Variants in RNASEL observed in about 807,000 individuals in gnomAD.
RNASEL encodes ribonuclease L.
Under a neutral mutation model 50.9 loss-of-function variants are expected in RNASEL, and 36 were observed. That is an observed-to-expected ratio of 0.71 (90% CI 0.54 to 0.93). RNASEL has a LOEUF of 0.93. Among genes scored for constraint, RNASEL ranks in the 40% least tolerant of loss-of-function variants. The probability of loss-of-function intolerance (pLI) is 0.00; values close to 1 mark genes in which losing one functional copy is unlikely to be tolerated. For missense variants in RNASEL, 860 were observed against 894.5 expected, an observed-to-expected ratio of 0.96 and a Z score of 0.49; for synonymous variants, 335 against 335.6, an observed-to-expected ratio of 1.00 and a Z score of 0.02.
chr1:182,574,133 CG>C lies in RNASEL; in HGVS notation c.*1258del, dbSNP rs1382733391. 9.2e-6 allele frequency: 2 copies of C among 218,438 alleles called. No homozygotes were observed. The highest frequency in any genetic ancestry group is 1.8e-5 in the Non-Finnish European group (2 of 109,152). 13.5% of individuals were successfully genotyped at this position (218,438 alleles called of 1,614,324 possible). A position where few individuals can be genotyped will look rare whatever the true frequency, so the allele number is the denominator to read the frequency against. On this transcript the variant is annotated 3_prime_UTR_variant, in exon 7 of 7. Transcript: ENST00000367559. ...TATACATTATAAAGCACCAGAAAAA[CG>C]TAAGACAGTATTATTATTCATGTAC... is the stretch of plus-strand genomic sequence containing the variant.
rs563595331 is a variant in RNASEL at position 182,578,024 on chromosome 1, T to C, written c.1906-1635A>G. 2.6e-5 allele frequency: 4 copies of C among 152,238 alleles called. No homozygotes were observed. In the South Asian group the frequency reaches 6.2e-4, roughly 24 times the overall value. The allele number at this position is 152,238 out of a possible 1,614,324, so 9.4% of individuals were successfully genotyped here. A position where few individuals can be genotyped will look rare whatever the true frequency, so the allele number is the denominator to read the frequency against. On this transcript the variant is annotated intron_variant, in intron 5 of 6. Coordinates refer to ENST00000367559, the MANE Select transcript of RNASEL (RefSeq NM_021133.4). ...GACTTAAATGTAAGACCTGAAACTA[T>C]AAAAATACTAAAAGAAAACCTAGGA... is the stretch of plus-strand genomic sequence containing the variant.
chr1:182,580,036 G>C, intron 5 of RNASEL: 1 of 453,440 alleles, frequency 2.2e-6, no homozygotes, highest in Non-Finnish European at 4.4e-6. Flanking sequence ...TGTCTCAGAA[G>C]TTGTGCTAAA....
chr1:182,585,484 CAG>C lies in RNASEL; in HGVS notation c.1321_1322del (p.Leu441GlyfsTer15), dbSNP rs1661574748. ...FVCVTLCEQT[L>X]EACLDVHRGE... Reference sequence around the variant, plus strand: ...CTCTGTGCACATCCAAACACGCTTCCAGAGTCTGCTCACAGAGGGTGACACAC... The same window carrying C: ...CTCTGTGCACATCCAAACACGCTTCCAGTCTGCTCACAGAGGGTGACACAC... On this transcript the variant is annotated frameshift_variant, in exon 2 of 7. Coordinates refer to ENST00000367559, the MANE Select transcript of RNASEL (RefSeq NM_021133.4). LOFTEE classifies it high-confidence loss of function. 5 of 1,614,164 alleles carry C rather than the reference CAG, an allele frequency of 3.1e-6. No individual in the cohort carries two copies. In the African/African-American group the frequency reaches 6.7e-5, roughly 22 times the overall value.
chr1:182,588,738 T>A (rs1272424514), intron 1 of RNASEL, among the ~76,000 whole-genome samples: 4 of 152,206 alleles, frequency 2.6e-5, no homozygotes, highest in African/African-American at 9.6e-5. Flanking sequence ...ATGAAATCTT[T>A]GAACCAAAGT....
chr1:182,575,435 T>A lies in RNASEL; in HGVS notation c.2183A>T (p.Asp728Val), dbSNP rs1347962627. Residue 728 changes from aspartate to valine, a missense_variant, in exon 7 of 7, where the codon GAT (aspartate) becomes GTT (valine). Physicochemically the swap from Asp to Val is radical, Grantham distance 152. Coordinates refer to ENST00000367559, the MANE Select transcript of RNASEL (RefSeq NM_021133.4). ...CAACCCACTGGCCCCACCAGCTCCATCACACTGAGGCTTGTTTGGACTGTG... is the reference window on the plus strand; with the variant it reads ...CAACCCACTGGCCCCACCAGCTCCAACACACTGAGGCTTGTTTGGACTGTG... ...QTHSPNKPQC[D>V]GAGGASGLAS... is the part of the protein sequence containing the mutation. 6 of 1,614,218 alleles carry A rather than the reference T, an allele frequency of 3.7e-6. No individual in the cohort carries two copies. In the African/African-American group the frequency reaches 5.3e-5, roughly 14 times the overall value.
At chr1:182,582,880 C>A (rs766236727) in intron 3 of RNASEL, among the ~76,000 whole-genome samples, 43 of 152,294 alleles carry the variant, frequency 2.8e-4, no homozygotes, top group Middle Eastern at 3.4e-3. Flanking sequence ...CCAGGAAAGA[C>A]CTACCCTGAC....
Position 182,586,746 on chromosome 1 carries a change from C to T in RNASEL, c.61G>A (p.Ala21Thr), listed in dbSNP as rs777190098. ...AGCAAGTGATTGTCTTCCACTGCAG[C>T]CCTTCTACCGCTGGAGGACGTGGGT... ...EGPTSSSGRR[A>T]AVEDNHLLIK... Residue 21 changes from alanine (A) to threonine (T), a missense_variant, in exon 2 of 7, where the codon GCT (alanine) becomes ACT (threonine). By Grantham distance (58) the Ala-to-Thr change is moderately conservative (BLOSUM62 0). Coordinates refer to ENST00000367559, the MANE Select transcript of RNASEL (RefSeq NM_021133.4). 5.0e-6 allele frequency: 8 copies of T among 1,614,118 alleles called. No homozygotes were observed. In the Admixed American group the frequency reaches 1.2e-4, roughly 24 times the overall value.
rs759217290 is a variant in RNASEL at position 182,582,097 on chromosome 1, A to T, written c.1728T>A (p.Cys576Ter). 4.3e-6 allele frequency: 7 copies of T among 1,614,240 alleles called. No homozygotes were observed. The highest frequency in any genetic ancestry group is 2.2e-5 in the East Asian group (1 of 44,888). Residue 576 changes from cysteine to a stop codon, truncating the protein, a stop_gained, in exon 4 of 7, where the codon TGT (cysteine) becomes TGA (stop). Coordinates refer to ENST00000367559, the MANE Select transcript of RNASEL (RefSeq NM_021133.4). LOFTEE classifies it high-confidence loss of function. ...AGGGATGACCCAGCAGGTCACTCAG[A>T]CAGTCCCTCACATGTTCCCCAGGAT... ...LFHPGEHVRD[C>*]LSDLLGHPFF...
intron 5 of RNASEL, among the ~76,000 whole-genome samples, chr1:182,577,416 T>C (rs1661410887): frequency 6.6e-6 from 1 of 152,324 alleles, no homozygotes; most frequent in South Asian, 2.1e-4. Flanking sequence ...CTTGATTACA[T>C]GTCTTTCTTT....
At position 182,575,380 on chromosome 1, in the gene RNASEL, C is replaced by T. The variant is rs369850875; in HGVS notation, c.*12G>A. The T allele has an allele frequency of 5.2e-5, 84 of 1,613,454 alleles. No individual in the cohort carries two copies. The African/African-American group carries it at 9.9e-4, about 19-fold the overall frequency. On this transcript the variant is annotated 3_prime_UTR_variant, in exon 7 of 7. Transcript: ENST00000367559. ...TAATAAGTAGTTCCCTGAACTCCAG[C>T]AAATCAGTCCATCAGCACCCAGGGC...
chr1:182,582,572 G>A (rs1037637175), intron 3 of RNASEL, among the ~76,000 whole-genome samples: 1 of 152,206 alleles, frequency 6.6e-6, no homozygotes, highest in Admixed American at 6.5e-5. Flanking sequence ...AGGAAAGGGA[G>A]AATGCTTTAA....
chr1:182,583,070 GTGTAGCCCACGAGTTTGAGTT>G (rs1192879201), intron 3 of RNASEL, among the ~76,000 whole-genome samples: 10 of 152,196 alleles, frequency 6.6e-5, no homozygotes, highest in African/African-American at 1.4e-4. Context: ...CTTCTGCAGA[GTGTAGCCCACGAGTTTGAGTT>G]TGTGGTGAAA....
At position 182,575,155 on chromosome 1, in the gene RNASEL, AG is replaced by A; in HGVS notation, c.*236del. 3.6e-6 allele frequency: 2 copies of A among 550,986 alleles called. No homozygotes were observed. Among genetic ancestry groups the A allele is most frequent in the Non-Finnish European group, 6.5e-6 (2 of 308,608 alleles). 34.1% of individuals were successfully genotyped at this position (550,986 alleles called of 1,614,324 possible). On this transcript the variant is annotated 3_prime_UTR_variant, in exon 7 of 7. Transcript: ENST00000367559. ...TCATTCTTTTGGTGCAATTGACAAA[AG>A]GAATCTTAGCAGAATGTCCTCCCAG...
At chr1:182,581,473 CTTT>C (rs1011639686) in intron 4 of RNASEL, 116 bp from the exon 5 acceptor site, 3,793 of 282,806 alleles carry the variant, frequency 0.013, no homozygotes, top group East Asian at 0.028. Flanking sequence ...GTTTTTCTTT[CTTT>C]TTTTTTTTTT....
At position 182,586,547 on chromosome 1, in the gene RNASEL, AG is replaced by A; in HGVS notation, c.259del (p.Leu87Ter). On this transcript the variant is annotated frameshift_variant, in exon 2 of 7. Transcript: ENST00000367559. LOFTEE classifies it high-confidence loss of function. ...AGGCGTGGCCCCATTCTTCTTCCTC[AG>A]AACAGGGTCAGCACCATGACGAAGC... ...LLLRHGADPVLRKKNGATPFI... is the reference protein window; with the variant it reads ...LLLRHGADPVXRKKNGATPFI... 1 of 1,608,178 alleles carries A rather than the reference AG, an allele frequency of 6.2e-7. No individual in the cohort carries two copies. The highest frequency in any genetic ancestry group is 1.3e-5 in the African/African-American group (1 of 74,768).
rs1032842118 is a variant in RNASEL, at chr1:182,573,984, T to A, written c.*1408A>T. On this transcript the variant is annotated 3_prime_UTR_variant, in exon 7 of 7. Transcript: ENST00000367559. ...TCAAGATAGTAACACTTCCTAGCTA[T>A]ACGTCCTAGAGGAAATCAAAATGTT... 1.0e-5 allele frequency: 2 copies of A among 199,622 alleles called. No individual in the cohort carries two copies. Among genetic ancestry groups the A allele is most frequent in the African/African-American group, 4.6e-5 (2 of 43,480 alleles). The allele number at this position is 199,622 out of a possible 1,614,324, so 12.4% of individuals were successfully genotyped here. A position where few individuals can be genotyped will look rare whatever the true frequency, so the allele number is the denominator to read the frequency against.
chr1:182,575,228 T>G lies in RNASEL; in HGVS notation c.*164A>C. ...CTAGTGTAGTCTGGGTATATATTGC[T>G]TTTGTTATAGACATATGGAATACAC... On this transcript the variant is annotated 3_prime_UTR_variant, in exon 7 of 7. Transcript: ENST00000367559. 1 of 697,434 alleles carries G rather than the reference T, an allele frequency of 1.4e-6. No homozygotes were observed. Among genetic ancestry groups the G allele is most frequent in the Non-Finnish European group, 2.5e-6 (1 of 392,992 alleles). 43.2% of individuals were successfully genotyped at this position (697,434 alleles called of 1,614,324 possible).
chr1:182,579,641 CAA>C (rs1661453984), intron 5 of RNASEL: 2 of 1,139,618 alleles, frequency 1.8e-6, no homozygotes, highest in South Asian at 1.8e-5. Context: ...AACAGAAAAA[CAA>C]AGTGTAAAAT....
chr1:182,585,337 G>A lies in RNASEL; in HGVS notation c.1470C>T (p.Asn490=), dbSNP rs1207284314. The part of the protein sequence containing the change: ...GYTHQDLQPQ[N]ILIDSKKAAH... Reference sequence around the variant, plus strand: ...GGATTGGGGACTCACCTATTAAGATGTTTTGTGGTTGCAGATCCTGGTGGG... The same window carrying A: ...GGATTGGGGACTCACCTATTAAGATATTTTGTGGTTGCAGATCCTGGTGGG... The change falls in exon 2 of 7, where the codon AAC becomes AAT. Residue 490 remains asparagine (N), a synonymous_variant. Coordinates refer to ENST00000367559, the MANE Select transcript of RNASEL (RefSeq NM_021133.4). 1 of 1,614,048 alleles carries A rather than the reference G, an allele frequency of 6.2e-7. No individual in the cohort carries two copies. The highest frequency in any genetic ancestry group is 8.5e-7 in the Non-Finnish European group (1 of 1,179,924).
Sources: gnomAD v4.1 joint callset for allele counts (sites outside exome capture counted in the v4.1 genomes callset) on GRCh38, gnomAD v4.1.1 for gene constraint, MANE v1.5 for transcripts, NCBI Gene and HGNC (gene_info 2026-07-23, HGNC 2026-07-21) for gene names.